YIPF6: variants seen among roughly 807,000 people sequenced by gnomAD.
The protein encoded by YIPF6 is protein YIPF6.
Under a neutral mutation model 16.8 loss-of-function variants are expected in YIPF6, and 3 were observed. The observed-to-expected ratio is 0.18, with a 90% CI of 0.08 to 0.46. The LOEUF (loss-of-function observed/expected upper bound fraction) is 0.46, where lower values mean the gene tolerates loss of function less well. Ranked by LOEUF, YIPF6 falls within the 20% of genes least tolerant of loss-of-function variation. The probability of loss-of-function intolerance (pLI) is 0.98; values close to 1 mark genes in which losing one functional copy is unlikely to be tolerated. For synonymous variants in YIPF6, 67 were observed against 61.9 expected, an observed-to-expected ratio of 1.08 and a Z score of -0.38; for missense variants, 145 against 184.9, an observed-to-expected ratio of 0.78 and a Z score of 1.25.
chrX:68,520,902 G>A (rs773352178), intron 4 of YIPF6, among the ~76,000 whole-genome samples: 1 of 111,695 alleles, frequency 9.0e-6, no homozygotes, highest in African/African-American at 3.3e-5. Flanking sequence ...TTGTACTTAT[G>A]TCAGTTACAC....
At chrX:68,513,575 T>A in intron 3 of YIPF6, 170 bp downstream of exon 3, 1 of 320,447 alleles carries the variant, frequency 3.1e-6, no homozygotes. Context: ...TAAAAATTGA[T>A]TTTATTTTAT....
chrX:68,522,835 G>C lies in YIPF6; in HGVS notation c.510G>C (p.Leu170=). ...PLTVAMLICR[L]VLLADPGPVN... ...CAGTAGCAATGCTGATTTGCCGGCT[G>C]GTACTTTTGGCTGATCCAGGACCTG... is the stretch of plus-strand genomic sequence containing the variant. Residue 170 remains leucine, a synonymous_variant, in exon 6 of 7, where the codon CTG becomes CTC. Coordinates refer to ENST00000462683, the MANE Select transcript of YIPF6 (RefSeq NM_173834.4). The C allele has an allele frequency of 8.3e-7, 1 of 1,211,000 alleles. No individual in the cohort carries two copies. Among genetic ancestry groups the C allele is most frequent in the Admixed American group, 2.2e-5 (1 of 45,880 alleles).
intron 6 of YIPF6, among the ~76,000 whole-genome samples, chrX:68,529,767 C>T (rs1411500571): frequency 9.0e-6 from 1 of 111,628 alleles, no homozygotes. Flanking sequence ...GCTGGAGGTC[C>T]ACTCCAGACC....
At position 68,535,783 on chromosome X, in the gene YIPF6, AC is replaced by A. The variant is rs993659107; in HGVS notation, c.*3785del. The A allele has an allele frequency of 1.2e-4, 13 of 110,828 alleles. No individual in the cohort carries two copies. Among genetic ancestry groups the A allele is most frequent in the African/African-American group, 4.3e-4 (13 of 30,450 alleles). 9.1% of individuals were successfully genotyped at this position (110,828 alleles called of 1,213,427 possible). ...TTTATTGAAATACACTTTACCATAA[AC>A]TTCACCTTTTTATTTTTTATTTTTA... On this transcript the variant is annotated 3_prime_UTR_variant, in exon 7 of 7. Transcript: ENST00000462683.
At chrX:68,522,124 A>C (rs1160678995) in intron 5 of YIPF6, among the ~76,000 whole-genome samples, 3 of 110,377 alleles carry the variant, frequency 2.7e-5, no homozygotes, top group Admixed American at 9.8e-5. Flanking sequence ...GCTTTTAACA[A>C]ATTCTCAAGT....
In YIPF6 at chrX:68,532,032, G is replaced by A. The variant is rs781712766; in HGVS notation, c.*33G>A. On this transcript the variant is annotated 3_prime_UTR_variant, in exon 7 of 7. Transcript: ENST00000462683. ...ATGGGAAATTAAAAACCAGTGAATT[G>A]AAAGCACATCTGAAAGATGCAATTC... 6.7e-6 allele frequency: 7 copies of A among 1,042,837 alleles called. No individual in the cohort carries two copies. The highest frequency in any genetic ancestry group is 9.3e-6 in the Non-Finnish European group (7 of 748,894). The allele number at this position is 1,042,837 out of a possible 1,213,427, so 85.9% of individuals were successfully genotyped here. A position where few individuals can be genotyped will look rare whatever the true frequency, so the allele number is the denominator to read the frequency against.
chrX:68,521,598 G>A, intron 5 of YIPF6, 101 bp downstream of exon 5: 1 of 889,500 alleles, frequency 1.1e-6, no homozygotes. Context: ...TTTTGAGACA[G>A]GGTGTCACTC....
chrX:68,499,122 T>C lies in YIPF6; in HGVS notation c.56T>C (p.Leu19Pro), dbSNP rs1187259682. The C allele has an allele frequency of 1.7e-6, 2 of 1,179,974 alleles. No homozygotes were observed. Among genetic ancestry groups the C allele is most frequent in the Non-Finnish European group, 2.3e-6 (2 of 879,628 alleles). Reference protein sequence around the residue: ...GDPGTASPRPLFAGLSDISIS... With the variant: ...GDPGTASPRPPFAGLSDISIS... ...CCGGGGACAGCATCGCCCAGGCCCC[T>C]GGTGAGCTTGGGATCTGCGACAAAA... Residue 19 changes from leucine (L) to proline (P), a missense_variant and splice_region_variant, in exon 1 of 7, where the codon CTG becomes CCG. Coordinates refer to ENST00000462683, the MANE Select transcript of YIPF6 (RefSeq NM_173834.4).
At chrX:68,499,999 C>T (rs956946006) in intron 1 of YIPF6, among the ~76,000 whole-genome samples, 1 of 112,229 alleles carries the variant, frequency 8.9e-6, no homozygotes, top group Non-Finnish European at 1.9e-5. Flanking sequence ...ACTGCAAGCC[C>T]AAAGTGTGGA....
At chrX:68,502,699 A>T (rs1470434621) in intron 1 of YIPF6, among the ~76,000 whole-genome samples, 1 of 111,580 alleles carries the variant, frequency 9.0e-6, no homozygotes, top group African/African-American at 3.3e-5. Context: ...CAGGGCGCAG[A>T]AGAGGTCTTG....
At chrX:68,520,942 C>T (rs977160296) in intron 4 of YIPF6, among the ~76,000 whole-genome samples, 1 of 110,985 alleles carries the variant, frequency 9.0e-6, no homozygotes, top group African/African-American at 3.3e-5. Context: ...AATGCAGGCT[C>T]AATGTTAGAA....
At chrX:68,530,790 C>T (rs982229365) in intron 6 of YIPF6, among the ~76,000 whole-genome samples, 2 of 111,329 alleles carry the variant, frequency 1.8e-5, no homozygotes, top group African/African-American at 6.5e-5. Flanking sequence ...CCCCCGTGGG[C>T]TGCACCCACT....
At chrX:68,518,928 T>A in intron 4 of YIPF6, 116 bp downstream of exon 4, 3 of 699,568 alleles carry the variant, frequency 4.3e-6, no homozygotes, top group Non-Finnish European at 4.1e-6. Context: ...TATGACATGT[T>A]GTACATGTTA....
intron 1 of YIPF6, among the ~76,000 whole-genome samples, chrX:68,502,304 C>T (rs886812588): frequency 2.7e-5 from 3 of 111,659 alleles, no homozygotes; most frequent in African/African-American, 9.8e-5. Context: ...AGGCAGAATC[C>T]ACGAGGGTTT....
intron 3 of YIPF6, among the ~76,000 whole-genome samples, chrX:68,516,638 A>G (rs1265306594): frequency 8.9e-6 from 1 of 112,261 alleles, no homozygotes; most frequent in East Asian, 2.8e-4. Flanking sequence ...ATACAATTAA[A>G]AAATAAACAA....
chrX:68,527,564 G>T (rs746083062), intron 6 of YIPF6, among the ~76,000 whole-genome samples: 1 of 111,694 alleles, frequency 9.0e-6, no homozygotes, highest in South Asian at 3.7e-4. Flanking sequence ...TGTGATGTTA[G>T]GGTGTCAGTT....
intron 6 of YIPF6, among the ~76,000 whole-genome samples, chrX:68,529,861 G>A (rs902491537): frequency 2.1e-4 from 23 of 111,658 alleles, no homozygotes; most frequent in Admixed American, 1.3e-3. Flanking sequence ...TCATCCCAGA[G>A]GGGCACCTGC....
intron 3 of YIPF6, among the ~76,000 whole-genome samples, chrX:68,516,310 A>T (rs1413573178): frequency 3.6e-5 from 4 of 111,709 alleles, no homozygotes; most frequent in African/African-American, 1.3e-4. Context: ...TATGTAGTGT[A>T]CATAATTGTT....
rs757615858 is a variant in YIPF6, at chrX:68,509,680, G to A, written c.58-2169G>A. Among the ~76,000 whole-genome samples the A allele has an allele frequency of 1.7e-3, 187 of 111,527 alleles. 1 individual carries two copies. The highest frequency in any genetic ancestry group is 1.6e-3 in the Non-Finnish European group (85 of 53,050). On this transcript the variant is annotated intron_variant, in intron 1 of 6. Coordinates refer to ENST00000462683, the MANE Select transcript of YIPF6 (RefSeq NM_173834.4). ...TAGTGATCCTGTCCCCCTCCTAGCTGAAGGAAACTCTTAATGGTCTGGGCC... is the reference window on the plus strand; with the variant it reads ...TAGTGATCCTGTCCCCCTCCTAGCTAAAGGAAACTCTTAATGGTCTGGGCC...
Sources: allele counts gnomAD v4.1 joint callset (sites outside exome capture counted in the v4.1 genomes callset), GRCh38; gene constraint gnomAD v4.1.1; transcripts MANE v1.5; gene names NCBI Gene and HGNC (gene_info 2026-07-23, HGNC 2026-07-21).